SLC4A11: variants seen among roughly 807,000 people sequenced by gnomAD.
SLC4A11 encodes bicarbonate transporter related protein 1.
Under a neutral mutation model 95.0 loss-of-function variants are expected in SLC4A11, and 74 were observed. The ratio of observed to expected loss-of-function variants is 0.78; its 90% CI spans 0.65 to 0.95. The LOEUF (loss-of-function observed/expected upper bound fraction) is 0.95. Among genes scored for constraint, SLC4A11 ranks in the 40% least tolerant of loss-of-function variants. The pLI is 0.00. For missense variants in SLC4A11, 1,081 were observed against 1,192.4 expected, an observed-to-expected ratio of 0.91 and a Z score of 1.38; for synonymous variants, 548 against 519.0, an observed-to-expected ratio of 1.06 and a Z score of -0.76.
At chr20:3,228,174 A>AC (rs2067602772) in intron 19 of SLC4A11, 85 bp downstream of exon 19, 10 of 262,758 alleles carry the variant, frequency 3.8e-5, no homozygotes, top group South Asian at 1.0e-4. Flanking sequence ...CCTAGGTGGG[A>AC]CCCCTCCTCC....
Position 3,234,714 on chromosome 20 carries a change from C to T in SLC4A11, c.241+28G>A, listed in dbSNP as rs773101778. The T allele has an allele frequency of 1.9e-6, 3 of 1,613,902 alleles. No homozygotes were observed. The highest frequency in any genetic ancestry group is 1.1e-5 in the South Asian group (1 of 91,082). Reference sequence around the variant, plus strand: ...ACCTGCCCAGTCCCGTGCCTTCCCCCAGTCTGCCCCTGCTGCAGCCCCCAT... The same window carrying T: ...ACCTGCCCAGTCCCGTGCCTTCCCCTAGTCTGCCCCTGCTGCAGCCCCCAT... On this transcript the variant is annotated intron_variant, in intron 3 of 19. Coordinates refer to ENST00000642402, the MANE Select transcript of SLC4A11 (RefSeq NM_001174089.2). The surrounding 1 kb of genome is among the most constrained non-coding windows in gnomAD (Gnocchi z 5.8).
chr20:3,235,280 G>GTCTC (rs143173251), intron 2 of SLC4A11, among the ~76,000 whole-genome samples: 6 of 101,146 alleles, frequency 5.9e-5, no homozygotes, highest in East Asian at 3.7e-4. Context: ...CAGTATCCAC[G>GTCTC]TCTCTCTCTC....
At chr20:3,238,444 G>C in intron 1 of SLC4A11, 2 of 1,032,144 alleles carry the variant, frequency 1.9e-6, no homozygotes, top group Non-Finnish European at 2.3e-6. Flanking sequence ...GGGGGCGCTG[G>C]GGCGCGTCCC....
chr20:3,231,307 C>G lies in SLC4A11; in HGVS notation c.948+23G>C. On this transcript the variant is annotated intron_variant, in intron 8 of 19. Coordinates refer to ENST00000642402, the MANE Select transcript of SLC4A11 (RefSeq NM_001174089.2). This position sits in a 1 kb window ranked among gnomAD's most constrained non-coding sequence, Gnocchi z 5.2. ...CCATGCCCCCGCCGACCCTGCCGGC[C>G]CCCGCCGGCCTCTACCCTGTACCTC... is the stretch of plus-strand genomic sequence containing the variant. 6.2e-7 allele frequency: 1 copy of G among 1,613,562 alleles called. No individual in the cohort carries two copies. Among genetic ancestry groups the G allele is most frequent in the South Asian group, 1.1e-5 (1 of 91,076 alleles).
At position 3,228,415 on chromosome 20, in the gene SLC4A11, G is replaced by C; in HGVS notation, c.2402C>G (p.Pro801Arg). The C allele has an allele frequency of 6.2e-7, 1 of 1,613,162 alleles. No homozygotes were observed. Among genetic ancestry groups the C allele is most frequent in the Non-Finnish European group, 8.5e-7 (1 of 1,179,934 alleles). Residue 801 changes from proline to arginine, a missense_variant, in exon 19 of 20, where the codon CCG becomes CGG. Physicochemically the swap from Pro to Arg is moderately radical, Grantham distance 103. Around this residue, in one of 3 missense-constraint regions of SLC4A11, gnomAD observed 767 missense variants for 858.0 expected, o/e 0.89. Coordinates refer to ENST00000642402, the MANE Select transcript of SLC4A11 (RefSeq NM_001174089.2). ...GGGCACCCTCCGGATGTAGTGTGTC[G>C]GGGGGTACGCAGTCTGTGGGCGGCA... ...LLLKEQTAYP[P>R]THYIRRVPQR...
At chr20:3,233,207 G>T (rs1048508761) in intron 7 of SLC4A11, among the ~76,000 whole-genome samples, 2 of 152,154 alleles carry the variant, frequency 1.3e-5, no homozygotes, top group Non-Finnish European at 2.9e-5. Context: ...CTAGCAAATC[G>T]CAAAGTCAAC....
chr20:3,235,192 C>T (rs1257397768), intron 2 of SLC4A11, among the ~76,000 whole-genome samples: 12 of 152,172 alleles, frequency 7.9e-5, no homozygotes, highest in African/African-American at 1.9e-4. Flanking sequence ...GGGGCAGGCA[C>T]GGAGTGCAAT....
chr20:3,231,301 GC>G lies in SLC4A11; in HGVS notation c.948+28del. ...TCCGGCCCATGCCCCCGCCGACCCT[GC>G]CGGCCCCCGCCGGCCTCTACCCTGT... On this transcript the variant is annotated intron_variant, in intron 8 of 19. Coordinates refer to ENST00000642402, the MANE Select transcript of SLC4A11 (RefSeq NM_001174089.2). This position sits in a 1 kb window ranked among gnomAD's most constrained non-coding sequence, Gnocchi z 5.2. 6.2e-7 allele frequency: 1 copy of G among 1,613,272 alleles called. No individual in the cohort carries two copies. The highest frequency in any genetic ancestry group is 8.5e-7 in the Non-Finnish European group (1 of 1,179,902).
intron 19 of SLC4A11, 104 bp downstream of exon 19, chr20:3,228,155 T>C (rs2067601432): frequency 5.0e-5 from 14 of 282,112 alleles, no homozygotes; most frequent in African/African-American, 2.6e-4. Flanking sequence ...AACCCGCCCA[T>C]TCTCCGCCCC....
At chr20:3,236,581 TCAAAA>T (rs59236399) in intron 2 of SLC4A11, among the ~76,000 whole-genome samples, 63,434 of 150,092 alleles carry the variant, frequency 0.42, 13,722 homozygotes, top group East Asian at 0.55. Context: ...AGAGCGAGAC[TCAAAA>T]CAAAACAAAA....
Position 3,239,004 on chromosome 20 carries a change from G to A in SLC4A11, c.43+91C>T, listed in dbSNP as rs1028101118. ...CCGGCCCCGGCCCGCGCAGGCAGAC[G>A]GCATCCGCGTTCTCCCCGGGGTCCC... On this transcript the variant is annotated intron_variant, in intron 1 of 19. Coordinates refer to ENST00000642402, the MANE Select transcript of SLC4A11 (RefSeq NM_001174089.2). 3.6e-6 allele frequency: 5 copies of A among 1,404,722 alleles called. No homozygotes were observed. In the South Asian group the frequency reaches 4.4e-5, roughly 12 times the overall value. 87.0% of individuals were successfully genotyped at this position (1,404,722 alleles called of 1,614,324 possible). A position where few individuals can be genotyped will look rare whatever the true frequency, so the allele number is the denominator to read the frequency against.
intron 7 of SLC4A11, among the ~76,000 whole-genome samples, chr20:3,232,716 GATAA>G (rs1445963772): frequency 6.6e-6 from 1 of 152,136 alleles, no homozygotes; most frequent in Non-Finnish European, 1.5e-5. Context: ...CTGTCTCAAA[GATAA>G]ATAAATAAAA....
Position 3,234,322 on chromosome 20 carries a change from G to T in SLC4A11, c.292-8C>A. 1 of 1,612,504 alleles carries T rather than the reference G, an allele frequency of 6.2e-7. No homozygotes were observed. Among genetic ancestry groups the T allele is most frequent in the African/African-American group, 1.3e-5 (1 of 75,018 alleles). ...GTTCTTTAACTTCAGGTACTGAGGG[G>T]ACCCCAGGGACAGAACCACACGGGC... On this transcript the variant is annotated splice_polypyrimidine_tract_variant and splice_region_variant and intron_variant, in intron 4 of 19. Transcript: ENST00000642402. This position sits in a 1 kb window ranked among gnomAD's most constrained non-coding sequence, Gnocchi z 5.8.
chr20:3,227,679 C>T lies in SLC4A11; in HGVS notation c.*108G>A, dbSNP rs1038481279. ...CAGGCCTGAGTCAGCCATGAGAAGG[C>T]GCAGCACAGAGCAGTCACCCACACA... On this transcript the variant is annotated 3_prime_UTR_variant, in exon 20 of 20. Transcript: ENST00000642402. 2.4e-5 allele frequency: 29 copies of T among 1,204,152 alleles called. No individual in the cohort carries two copies. The highest frequency in any genetic ancestry group is 2.1e-4 in the Middle Eastern group (1 of 4,678). 74.6% of individuals were successfully genotyped at this position (1,204,152 alleles called of 1,614,324 possible). A position where few individuals can be genotyped will look rare whatever the true frequency, so the allele number is the denominator to read the frequency against.
rs763721237 is a variant in SLC4A11, at chr20:3,231,480, G to A, written c.798C>T (p.Arg266=). 1 of 1,614,068 alleles carries A rather than the reference G, an allele frequency of 6.2e-7. No individual in the cohort carries two copies. Among genetic ancestry groups the A allele is most frequent in the Non-Finnish European group, 8.5e-7 (1 of 1,180,016 alleles). The change falls in exon 8 of 20, where the codon CGC becomes CGT. Residue 266 remains arginine (R), a synonymous_variant. Transcript: ENST00000642402. This position sits in a 1 kb window ranked among gnomAD's most constrained non-coding sequence, Gnocchi z 5.2. ...FATMFSDIAF[R]QKLLETRTEE... is the part of the protein sequence containing the mutation. ...CTGTGCGGGTCTCCAGGAGCTTCTG[G>A]CGGAAGGCGATATCCGAGAACATGG...
At chr20:3,239,341 C>T, upstream of SLC4A11, 3 of 1,146,714 alleles carry the variant, frequency 2.6e-6, no homozygotes, top group Non-Finnish European at 3.2e-6. Context: ...CCGCCCCGCG[C>T]CCTCACCCGC....
chr20:3,231,073 T>G lies in SLC4A11; in HGVS notation c.1043-15A>C, dbSNP rs3803953. On this transcript the variant is annotated splice_polypyrimidine_tract_variant and intron_variant, in intron 9 of 19. Transcript: ENST00000642402. This position sits in a 1 kb window ranked among gnomAD's most constrained non-coding sequence, Gnocchi z 5.2. ...CCCAATAATGCCTAGGAATGGGGGA[T>G]GGGAGAGAGGGTTTGCTGGGGATGC... is the stretch of plus-strand genomic sequence containing the variant. 0.45 allele frequency: 726,142 copies of G among 1,606,584 alleles called. 165,418 individuals carry two copies. The highest frequency in any genetic ancestry group is 0.52 in the Admixed American group (30,902 of 59,876).
rs1404466450 is a variant in SLC4A11, at chr20:3,228,108, C to A, written c.2558+151G>T. 9.2e-6 allele frequency: 9 copies of A among 974,394 alleles called. No homozygotes were observed. The Admixed American group carries it at 1.7e-4, about 18-fold the overall frequency. 60.4% of individuals were successfully genotyped at this position (974,394 alleles called of 1,614,324 possible). A position where few individuals can be genotyped will look rare whatever the true frequency, so the allele number is the denominator to read the frequency against. ...GCCTCCCCAGCCCGCCCACTCTCCA[C>A]CCCTAGGCAGGACCCCTCCTCCTGG... is the stretch of plus-strand genomic sequence containing the variant. On this transcript the variant is annotated intron_variant, in intron 19 of 19. Transcript: ENST00000642402.
At chr20:3,238,259 C>T (rs2068052111) in intron 1 of SLC4A11, 5 of 1,304,244 alleles carry the variant, frequency 3.8e-6, no homozygotes, top group Non-Finnish European at 4.9e-6. Context: ...CTCCCTGGGC[C>T]GGTCCCCGGA....
Sources: allele counts gnomAD v4.1 joint callset (sites outside exome capture counted in the v4.1 genomes callset), GRCh38; gene constraint gnomAD v4.1.1; regional missense constraint gnomAD v4.1.1; non-coding constraint Gnocchi (gnomAD v3.1); transcripts MANE v1.5; gene names NCBI Gene and HGNC (gene_info 2026-07-23, HGNC 2026-07-21).